AGL: variants seen among roughly 807,000 people sequenced by gnomAD.
AGL encodes the protein glycogen debranching enzyme.
Under a neutral mutation model 199.3 loss-of-function variants are expected in AGL, and 128 were observed. That is an observed-to-expected ratio of 0.64 (90% CI 0.56 to 0.74). The LOEUF (loss-of-function observed/expected upper bound fraction) is 0.74, where lower values mean the gene tolerates loss of function less well. Among genes scored for constraint, AGL ranks in the 30% least tolerant of loss-of-function variants. AGL has a pLI of 0.00. For missense variants in AGL, 1,809 were observed against 1,820.8 expected (o/e 0.99, Z 0.12); for synonymous variants, 584 against 594.7 (o/e 0.98, Z 0.26).
At chr1:99,899,822 G>C (rs984137850) in intron 25 of AGL, among the ~76,000 whole-genome samples, 1 of 151,510 alleles carries the variant, frequency 6.6e-6, no homozygotes, top group South Asian at 2.1e-4. Flanking sequence ...GGGTTTCACC[G>C]TGTTAGTCAG....
chr1:99,862,450 T>C (rs751323888), intron 4 of AGL, 27 bp downstream of exon 4: 2 of 1,610,764 alleles, frequency 1.2e-6, no homozygotes, highest in African/African-American at 2.7e-5. Flanking sequence ...TTCTTTTTCT[T>C]ATTTAAAAAA....
chr1:99,918,543 C>T (rs941957356), intron 33 of AGL, among the ~76,000 whole-genome samples: 1 of 151,976 alleles, frequency 6.6e-6, no homozygotes. Flanking sequence ...AGGCTGGTCT[C>T]GAACTCCTAG....
rs751975324 is a variant in AGL, at chr1:99,881,437, G to A, written c.2147G>A (p.Gly716Asp). 2 of 1,614,052 alleles carry A rather than the reference G, an allele frequency of 1.2e-6. No individual in the cohort carries two copies. Among genetic ancestry groups the A allele is most frequent in the Non-Finnish European group, 1.7e-6 (2 of 1,179,972 alleles). ...CTTCATCAGGAGCTTGGAGCCAAGG[G>A]TTTTATTCAGGCAAGAAATAATTAA... is the stretch of plus-strand genomic sequence containing the variant. ...SKLHQELGAK[G>D]FIQVYVDQVD... Residue 716 changes from glycine (G) to aspartate (D), a missense_variant, in exon 16 of 34, where the codon GGT becomes GAT. By Grantham distance (94) the Gly-to-Asp change is moderately conservative (BLOSUM62 -1). Transcript: ENST00000361915.
At chr1:99,870,292 A>G (rs1650879775) in intron 5 of AGL, 108 bp from the exon 6 acceptor site, 3 of 1,208,800 alleles carry the variant, frequency 2.5e-6, no homozygotes, top group African/African-American at 1.5e-5. Context: ...TCCAATATAG[A>G]AAAAAATGAG....
intron 12 of AGL, among the ~76,000 whole-genome samples, chr1:99,878,201 A>G (rs1012275454): frequency 2.6e-5 from 4 of 152,022 alleles, no homozygotes; most frequent in Admixed American, 2.0e-4. Context: ...AGCTTATTAC[A>G]CATTATAGTG....
chr1:99,894,459 T>C (rs1312419824), intron 24 of AGL, among the ~76,000 whole-genome samples: 2 of 152,188 alleles, frequency 1.3e-5, no homozygotes, highest in African/African-American at 4.8e-5. Context: ...GAAGTGTGTA[T>C]GGCACAGAGT....
intron 5 of AGL, among the ~76,000 whole-genome samples, chr1:99,867,788 C>T (rs1650649220): frequency 6.6e-6 from 1 of 152,052 alleles, no homozygotes; most frequent in Non-Finnish European, 1.5e-5. Context: ...TCCACCCTGC[C>T]TTGGCCTCCC....
intron 5 of AGL, among the ~76,000 whole-genome samples, chr1:99,870,187 AAG>A (rs1195612400): frequency 2.0e-5 from 3 of 152,008 alleles, no homozygotes; most frequent in Non-Finnish European, 2.9e-5. Flanking sequence ...AGCAGAATTA[AAG>A]TTAGAAAAAA....
At chr1:99,890,778 A>G (rs1477966837) in intron 21 of AGL, among the ~76,000 whole-genome samples, 2 of 152,092 alleles carry the variant, frequency 1.3e-5, no homozygotes, top group Admixed American at 6.6e-5. Flanking sequence ...TCTTTCTGAA[A>G]CCAGTTCTAT....
chr1:99,870,561 G>C lies in AGL; in HGVS notation c.826G>C (p.Glu276Gln), dbSNP rs1469550822. ...AGAAAAGGGAATACCTGCTTTGATT[G>C]AAAATGATCACCATATGAATGTCAG... ...YKEKGIPALIENDHHMNSIRK... is the reference protein window; with the variant it reads ...YKEKGIPALIQNDHHMNSIRK... Residue 276 changes from glutamate to glutamine, a missense_variant, in exon 6 of 34, where the codon GAA becomes CAA. Coordinates refer to ENST00000361915, the MANE Select transcript of AGL (RefSeq NM_000642.3). 6.2e-7 allele frequency: 1 copy of C among 1,613,856 alleles called. No individual in the cohort carries two copies. Among genetic ancestry groups the C allele is most frequent in the Non-Finnish European group, 8.5e-7 (1 of 1,179,970 alleles).
rs143885684 is a variant in AGL at position 99,910,833 on chromosome 1, C to T, written c.3822C>T (p.Ile1274=). The T allele has an allele frequency of 9.3e-5, 150 of 1,612,776 alleles. No homozygotes were observed. In the African/African-American group the frequency reaches 1.8e-3, roughly 20 times the overall value. The change falls in exon 28 of 34, where the codon ATC becomes ATT. Residue 1274 remains isoleucine (I), a synonymous_variant. Coordinates refer to ENST00000361915, the MANE Select transcript of AGL (RefSeq NM_000642.3). ...GESDRARNRG[I]PATPRDGSAV... ...GTGACAGAGCTAGAAACAGAGGAAT[C>T]CCAGCCACACCAAGGTAGTGTAAAT...
At chr1:99,877,072 A>G (rs1651606981) in intron 11 of AGL, among the ~76,000 whole-genome samples, 1 of 152,202 alleles carries the variant, frequency 6.6e-6, no homozygotes, top group African/African-American at 2.4e-5. Flanking sequence ...TTTCATTACC[A>G]GGAAGAATGT....
intron 25 of AGL, among the ~76,000 whole-genome samples, chr1:99,898,336 G>A (rs111372375): frequency 5.3e-5 from 8 of 152,270 alleles, no homozygotes; most frequent in African/African-American, 1.9e-4. Flanking sequence ...GTGAGCCACT[G>A]CGCCCTACCA....
At chr1:99,875,324 T>C (rs186046068) in intron 9 of AGL, 34 bp from the exon 10 acceptor site, 1 of 1,613,050 alleles carries the variant, frequency 6.2e-7, no homozygotes, top group East Asian at 2.2e-5. Context: ...GTCTTGAGGA[T>C]GGTGATGATC....
chr1:99,880,655 C>T lies in AGL; in HGVS notation c.1759C>T (p.His587Tyr), dbSNP rs139488862. ...AGAGGCAATGAGTGCATATAATAGT[C>T]ATGAAGAGGGCAGATTAGTTTACCG... ...IREAMSAYNS[H>Y]EEGRLVYRYG... is the part of the protein sequence containing the mutation. The change falls in exon 14 of 34, where the codon CAT (histidine) becomes TAT (tyrosine). Residue 587 changes from histidine to tyrosine, a missense_variant. Coordinates refer to ENST00000361915, the MANE Select transcript of AGL (RefSeq NM_000642.3). 6.9e-4 allele frequency: 1,117 copies of T among 1,613,890 alleles called. 5 individuals are homozygous for T. The highest frequency in any genetic ancestry group is 1.4e-3 in the Admixed American group (83 of 60,004).
intron 2 of AGL, chr1:99,852,475 T>G: frequency 1.7e-6 from 1 of 594,262 alleles, no homozygotes; most frequent in Non-Finnish European, 3.0e-6. Flanking sequence ...GCTCAAGCAG[T>G]TCTCCTGCCT....
At chr1:99,856,291 C>A (rs1649408183) in intron 2 of AGL, among the ~76,000 whole-genome samples, 1 of 139,790 alleles carries the variant, frequency 7.2e-6, no homozygotes, top group Non-Finnish European at 1.5e-5. Flanking sequence ...GAAAATATAA[C>A]ATCCCTTCCT....
At chr1:99,865,324 A>G (rs1650419049) in intron 5 of AGL, among the ~76,000 whole-genome samples, 1 of 152,222 alleles carries the variant, frequency 6.6e-6, no homozygotes, top group Non-Finnish European at 1.5e-5. Flanking sequence ...CTATAGTACT[A>G]TAGCATATAT....
intron 2 of AGL, among the ~76,000 whole-genome samples, chr1:99,860,565 C>T (rs945091787): frequency 6.6e-6 from 1 of 151,992 alleles, no homozygotes; most frequent in African/African-American, 2.4e-5. Flanking sequence ...TATTTGTTTT[C>T]GCTTATGGCA....
Sources: gnomAD v4.1 joint callset for allele counts (sites outside exome capture counted in the v4.1 genomes callset) on GRCh38, gnomAD v4.1.1 for gene constraint, MANE v1.5 for transcripts, NCBI Gene and HGNC (gene_info 2026-07-23, HGNC 2026-07-21) for gene names.